The following PTPRD variants were observed in gnomAD, a reference collection of about 807,000 sequenced individuals.
The protein encoded by PTPRD is protein tyrosine phosphatase receptor type D, also known as receptor-type tyrosine-protein phosphatase delta.
PTPRD carries 34 observed loss-of-function variants against 214.5 expected under a neutral mutation model. The ratio of observed to expected loss-of-function variants is 0.16; its 90% confidence interval spans 0.12 to 0.21. The LOEUF is 0.21. Ranked by LOEUF, PTPRD falls within the 10% of genes least tolerant of loss-of-function variation. The probability of loss-of-function intolerance (pLI) is 1.00; values close to 1 mark genes in which losing one functional copy is unlikely to be tolerated. For missense variants in PTPRD, 2,545 were observed against 2,398.7 expected (o/e 1.06, Z -1.27); for synonymous variants, 1,128 against 845.7 (o/e 1.33, Z -5.79).
chr9:9,395,191 A>AC (rs940718988), intron 9 of PTPRD, among the ~76,000 whole-genome samples: 12 of 149,960 alleles, frequency 8.0e-5, no homozygotes, highest in East Asian at 4.0e-4. Context: ...ATGAAACAAA[A>AC]AAAAAAAAAA....
intron 9 of PTPRD, among the ~76,000 whole-genome samples, chr9:9,196,177 T>G (rs746075890): frequency 7.9e-5 from 12 of 152,154 alleles, no homozygotes; most frequent in Admixed American, 4.6e-4. Flanking sequence ...GGGTACATTG[T>G]GAAACTCACA....
chr9:10,435,088 C>T (rs1459505604), intron 2 of PTPRD, among the ~76,000 whole-genome samples: 1 of 151,880 alleles, frequency 6.6e-6, no homozygotes, highest in African/African-American at 2.4e-5. Flanking sequence ...GACAGTTTTG[C>T]TCATTATTTC....
chr9:8,548,526 C>G (rs2080994439), intron 14 of PTPRD, among the ~76,000 whole-genome samples: 1 of 151,848 alleles, frequency 6.6e-6, no homozygotes, highest in African/African-American at 2.4e-5. Flanking sequence ...CACCACCAAA[C>G]CTGGCTAATT....
chr9:9,598,347 G>A (rs756217159), intron 7 of PTPRD, among the ~76,000 whole-genome samples: 1 of 151,994 alleles, frequency 6.6e-6, no homozygotes, highest in Non-Finnish European at 1.5e-5. Context: ...TCGAGTAGGA[G>A]AGGGCAGAGA....
At chr9:8,968,275 TG>T (rs2099212455) in intron 11 of PTPRD, among the ~76,000 whole-genome samples, 1 of 152,138 alleles carries the variant, frequency 6.6e-6, no homozygotes, top group South Asian at 2.1e-4. Context: ...TACCCAGTAA[TG>T]GGATGGCTGG....
intron 10 of PTPRD, among the ~76,000 whole-genome samples, chr9:9,049,566 T>C (rs960106711): frequency 4.6e-5 from 7 of 151,130 alleles, no homozygotes; most frequent in Admixed American, 2.6e-4. Flanking sequence ...AATAGCATAT[T>C]TTCAAAAAGT....
At chr9:9,072,280 T>TACACACACACACACAC (rs201508445) in intron 10 of PTPRD, among the ~76,000 whole-genome samples, 11 of 135,638 alleles carry the variant, frequency 8.1e-5, no homozygotes, top group African/African-American at 2.7e-4. Flanking sequence ...GCTGGCAACT[T>TACACACACACACACAC]ACACACACAC....
rs141721213 is a variant in PTPRD at position 9,331,363 on chromosome 9, C to T, written c.-203+66086G>A. 2.1e-3 allele frequency among the ~76,000 whole-genome samples: 325 copies of T among 152,136 alleles called. 1 individual carries two copies. The highest frequency in any genetic ancestry group is 7.6e-3 in the African/African-American group (315 of 41,530). ...CTTAAATAGTAGTATGATTGCCTGG[C>T]TCATTCTTTCTCGGGATAATTCATA... On this transcript the variant is annotated intron_variant, in intron 9 of 45. Coordinates refer to ENST00000381196, the MANE Select transcript of PTPRD (RefSeq NM_002839.4).
chr9:8,714,756 C>A (rs1257192891), intron 12 of PTPRD, among the ~76,000 whole-genome samples: 1 of 152,088 alleles, frequency 6.6e-6, no homozygotes, highest in Non-Finnish European at 1.5e-5. Context: ...CACATCTGAA[C>A]CCCTACCCAC....
In PTPRD at chr9:8,449,851, A is replaced by G; in HGVS notation, c.3876-14T>C. ...TCTGCCCTCTTCCTATAGGGGGAAA[A>G]TAGAAATTTAAGAAGAAAAGAAAAA... is the stretch of plus-strand genomic sequence containing the variant. On this transcript the variant is annotated splice_polypyrimidine_tract_variant and intron_variant, in intron 33 of 45. Transcript: ENST00000381196. 3 of 1,609,650 alleles carry G rather than the reference A, an allele frequency of 1.9e-6. No individual in the cohort carries two copies. Among genetic ancestry groups the G allele is most frequent in the Non-Finnish European group, 2.5e-6 (3 of 1,177,210 alleles).
intron 15 of PTPRD, among the ~76,000 whole-genome samples, chr9:8,527,628 C>T (rs2074544351): frequency 6.6e-6 from 1 of 152,086 alleles, no homozygotes. Flanking sequence ...ACTTAGAATT[C>T]TATACCAATA....
chr9:10,182,344 C>T (rs2099302123), intron 3 of PTPRD, among the ~76,000 whole-genome samples: 1 of 150,332 alleles, frequency 6.7e-6, no homozygotes, highest in Non-Finnish European at 1.5e-5. Flanking sequence ...CAAAGTGCAT[C>T]ACAGACAAAA....
chr9:9,764,232 A>G (rs1348915949), intron 6 of PTPRD, among the ~76,000 whole-genome samples: 1 of 152,166 alleles, frequency 6.6e-6, no homozygotes, highest in African/African-American at 2.4e-5. Context: ...TGGGCATGCT[A>G]TGGAGGTATA....
chr9:9,671,674 C>T (rs1322154716), intron 7 of PTPRD, among the ~76,000 whole-genome samples: 3 of 152,134 alleles, frequency 2.0e-5, no homozygotes. Context: ...GAATAAATCT[C>T]ACAAGATCTG....
chr9:9,489,916 TTAAG>T (rs2095828288), intron 8 of PTPRD, among the ~76,000 whole-genome samples: 1 of 152,050 alleles, frequency 6.6e-6, no homozygotes, highest in Admixed American at 6.6e-5. Context: ...TCAATGAACT[TTAAG>T]TAAGTTGAAC....
At chr9:8,732,083 G>A (rs1295577357) in intron 12 of PTPRD, among the ~76,000 whole-genome samples, 1 of 152,202 alleles carries the variant, frequency 6.6e-6, no homozygotes, top group South Asian at 2.1e-4. Flanking sequence ...GTGTGATGAA[G>A]AAGAACGAGA....
chr9:10,477,727 A>G (rs1388866305), intron 2 of PTPRD, among the ~76,000 whole-genome samples: 1 of 152,144 alleles, frequency 6.6e-6, no homozygotes, highest in African/African-American at 2.4e-5. Flanking sequence ...CTTGGAACCA[A>G]CCCAAATGCC....
intron 3 of PTPRD, among the ~76,000 whole-genome samples, chr9:10,119,348 T>C (rs1330512106): frequency 6.6e-6 from 1 of 152,008 alleles, no homozygotes; most frequent in Non-Finnish European, 1.5e-5. Flanking sequence ...ATCTCCATAG[T>C]GTTTGCCTTC....
intron 5 of PTPRD, among the ~76,000 whole-genome samples, chr9:9,846,174 A>C (rs2059491525): frequency 6.6e-6 from 1 of 152,086 alleles, no homozygotes; most frequent in Non-Finnish European, 1.5e-5. Flanking sequence ...TTATTTCTCC[A>C]TTTAACATTG....
Sources: gnomAD v4.1 joint callset for allele counts (sites outside exome capture counted in the v4.1 genomes callset) on GRCh38, gnomAD v4.1.1 for gene constraint, MANE v1.5 for transcripts, NCBI Gene and HGNC (gene_info 2026-07-23, HGNC 2026-07-21) for gene names.